Variants in ZCCHC24 observed in about 807,000 individuals in gnomAD.
ZCCHC24 encodes zinc finger CCHC domain-containing protein 24.
A neutral mutation model predicts 26.2 loss-of-function variants in ZCCHC24; 10 were observed. That is an observed-to-expected ratio of 0.38 (90% CI 0.24 to 0.65). The LOEUF (loss-of-function observed/expected upper bound fraction) is 0.65. Among genes scored for constraint, ZCCHC24 ranks in the 30% least tolerant of loss-of-function variants. The probability of loss-of-function intolerance (pLI) is 0.54; values close to 1 mark genes in which losing one functional copy is unlikely to be tolerated. For synonymous variants in ZCCHC24, 144 were observed against 147.1 expected, an observed-to-expected ratio of 0.98 and a Z score of 0.15; for missense variants, 243 against 329.1, an observed-to-expected ratio of 0.74 and a Z score of 2.03.
At chr10:79,435,055 C>A (rs1047139879) in intron 1 of ZCCHC24, among the ~76,000 whole-genome samples, 2 of 152,104 alleles carry the variant, frequency 1.3e-5, no homozygotes, top group Admixed American at 6.5e-5. Context: ...GCCCCCTCCC[C>A]CTCCAAATCC....
intron 2 of ZCCHC24, among the ~76,000 whole-genome samples, chr10:79,400,009 T>C (rs958409269): frequency 6.6e-6 from 1 of 152,176 alleles, no homozygotes; most frequent in Non-Finnish European, 1.5e-5. Flanking sequence ...ATCTGGTGAC[T>C]CTGGAGGCAC....
rs1166166988 is a variant in ZCCHC24 at position 79,445,572 on chromosome 10, G to A, written c.-132C>T. On this transcript the variant is annotated 5_prime_UTR_variant, in exon 1 of 4. Coordinates refer to ENST00000372336, the MANE Select transcript of ZCCHC24 (RefSeq NM_153367.4). ...CCCGACGGTGATCGCCCCGCGCCCT[G>A]CGCCCCGCGCGCTGCCCGCAGCCGC... 1.0e-5 allele frequency: 8 copies of A among 779,124 alleles called. No individual in the cohort carries two copies. Among genetic ancestry groups the A allele is most frequent in the Non-Finnish European group, 1.6e-6 (1 of 624,216 alleles). The allele number at this position is 779,124 out of a possible 1,614,324, so 48.3% of individuals were successfully genotyped here.
intron 2 of ZCCHC24, among the ~76,000 whole-genome samples, chr10:79,430,523 G>A (rs911858829): frequency 2.0e-5 from 3 of 152,046 alleles, no homozygotes; most frequent in African/African-American, 4.8e-5. Flanking sequence ...CTGCCGTAGA[G>A]TTAAGAGTCC....
chr10:79,430,125 C>T (rs962658607), intron 2 of ZCCHC24, among the ~76,000 whole-genome samples: 1 of 152,206 alleles, frequency 6.6e-6, no homozygotes, highest in Non-Finnish European at 1.5e-5. Context: ...CTTCCTGTGT[C>T]CAGGCACTGT....
At chr10:79,410,806 GA>G (rs1463805407) in intron 2 of ZCCHC24, among the ~76,000 whole-genome samples, 1 of 151,750 alleles carries the variant, frequency 6.6e-6, no homozygotes, top group Non-Finnish European at 1.5e-5. Flanking sequence ...GTGGTCTGGG[GA>G]TGGGTGGCAG....
intron 2 of ZCCHC24, among the ~76,000 whole-genome samples, chr10:79,400,670 T>G (rs1423845788): frequency 6.6e-6 from 1 of 152,166 alleles, no homozygotes; most frequent in South Asian, 2.1e-4. Context: ...GGGCGCACTG[T>G]GCTTTCCCAA....
At chr10:79,430,963 C>T (rs908090842) in intron 2 of ZCCHC24, among the ~76,000 whole-genome samples, 8 of 152,332 alleles carry the variant, frequency 5.3e-5, no homozygotes, top group Non-Finnish European at 8.8e-5. Context: ...CTTCCTCCCT[C>T]GAAGCATCTG....
intron 1 of ZCCHC24, among the ~76,000 whole-genome samples, chr10:79,435,593 C>T (rs2132221413): frequency 6.6e-6 from 1 of 152,356 alleles, no homozygotes; most frequent in Non-Finnish European, 1.5e-5. Context: ...AATTAGGGCC[C>T]ATCCCCCAGC....
intron 3 of ZCCHC24, among the ~76,000 whole-genome samples, chr10:79,392,459 C>T (rs1856491340): frequency 6.6e-6 from 1 of 152,146 alleles, no homozygotes; most frequent in Admixed American, 6.5e-5. Context: ...ATGAAACTTC[C>T]TAATTACCCC....
chr10:79,435,625 C>T (rs1041234292), intron 1 of ZCCHC24, among the ~76,000 whole-genome samples: 33 of 152,230 alleles, frequency 2.2e-4, no homozygotes, highest in African/African-American at 9.6e-5. Flanking sequence ...ACGAACGCTA[C>T]CTTAGAGCCG....
chr10:79,440,748 C>T (rs1480130151), intron 1 of ZCCHC24, among the ~76,000 whole-genome samples: 3 of 152,190 alleles, frequency 2.0e-5, no homozygotes, highest in Admixed American at 1.3e-4. Flanking sequence ...AGGGCCATCT[C>T]CTCCCGGAGC....
At chr10:79,403,517 A>AGCAGGCGGTCAGAGGGACAGGTGGGCTGG in intron 2 of ZCCHC24, 1 of 985,452 alleles carries the variant, frequency 1.0e-6, no homozygotes, top group Non-Finnish European at 1.2e-6. Flanking sequence ...CCCCGGAGGA[A>AGCAGGCGGTCAGAGGGACAGGTGGGCTGG]GCAGGCGGTC....
chr10:79,386,578 CCAGA>C (rs891594603), intron 3 of ZCCHC24, 120 bp from the exon 4 acceptor site: 115 of 714,264 alleles, frequency 1.6e-4, no homozygotes, highest in Non-Finnish European at 2.5e-4. Flanking sequence ...AGGGAGGGGA[CCAGA>C]CAGAGAGGCA....
At position 79,445,380 on chromosome 10, in the gene ZCCHC24, G is replaced by T; in HGVS notation, c.61C>A (p.Leu21Ile). 6.5e-7 allele frequency: 1 copy of T among 1,527,656 alleles called. No homozygotes were observed. Among genetic ancestry groups the T allele is most frequent in the Admixed American group, 2.1e-5 (1 of 48,374 alleles). 94.6% of individuals were successfully genotyped at this position (1,527,656 alleles called of 1,614,324 possible). The stretch of plus-strand genomic sequence containing the variant: ...TGCAGCGACAGGTAGACCCAGTTGA[G>T]CAGCTGGGCGGGCTGGTACACCGAG... ...AASVYQPAQL[L>I]NWVYLSLQDT... Residue 21 changes from leucine to isoleucine, a missense_variant, in exon 1 of 4, where the codon CTC (leucine) becomes ATC (isoleucine). Coordinates refer to ENST00000372336, the MANE Select transcript of ZCCHC24 (RefSeq NM_153367.4).
rs561565813 is a variant in ZCCHC24, at chr10:79,383,636, T to C, written c.*2709A>G. 5.4e-4 allele frequency: 81 copies of C among 150,564 alleles called. No homozygotes were observed. Among genetic ancestry groups the C allele is most frequent in the African/African-American group, 1.8e-3 (76 of 41,102 alleles). The allele number at this position is 150,564 out of a possible 1,614,324, so 9.3% of individuals were successfully genotyped here. A position where few individuals can be genotyped will look rare whatever the true frequency, so the allele number is the denominator to read the frequency against. ...AACAATTATATTTTTCTTTTCTTTT[T>C]TTTTTTTTAAAAAAAGGCCCTCAAA... On this transcript the variant is annotated 3_prime_UTR_variant, in exon 4 of 4. Transcript: ENST00000372336.
chr10:79,437,671 C>T (rs747408918), intron 1 of ZCCHC24, among the ~76,000 whole-genome samples: 3 of 152,220 alleles, frequency 2.0e-5, no homozygotes, highest in African/African-American at 7.2e-5. Flanking sequence ...CTAGGCCCCT[C>T]GGCCCTGGCA....
At chr10:79,430,057 G>A (rs1026419209) in intron 2 of ZCCHC24, among the ~76,000 whole-genome samples, 1 of 152,118 alleles carries the variant, frequency 6.6e-6, no homozygotes, top group Non-Finnish European at 1.5e-5. Context: ...TGCCAGATGG[G>A]TGCACTCTTC....
At chr10:79,416,467 G>A (rs541531009) in intron 2 of ZCCHC24, among the ~76,000 whole-genome samples, 103 of 152,242 alleles carry the variant, frequency 6.8e-4, no homozygotes, top group Middle Eastern at 3.4e-3. Context: ...GGCTCTCTGA[G>A]GCCTGAGCTG....
Position 79,386,553 on chromosome 10 carries a change from G to A in ZCCHC24, c.613-95C>T, listed in dbSNP as rs1031926363. ...GGGAGAGACACACAGAGACAGACAG[G>A]TGAGACAGGTACACAGGGAGGGGAC... On this transcript the variant is annotated intron_variant, in intron 3 of 3. Transcript: ENST00000372336. 8.5e-6 allele frequency: 8 copies of A among 946,200 alleles called. No homozygotes were observed. In the Admixed American group the frequency reaches 1.3e-4, roughly 15 times the overall value. 58.6% of individuals were successfully genotyped at this position (946,200 alleles called of 1,614,324 possible). A position where few individuals can be genotyped will look rare whatever the true frequency, so the allele number is the denominator to read the frequency against.
Sources: allele counts gnomAD v4.1 joint callset (sites outside exome capture counted in the v4.1 genomes callset), GRCh38; gene constraint gnomAD v4.1.1; transcripts MANE v1.5; gene names NCBI Gene and HGNC (gene_info 2026-07-23, HGNC 2026-07-21).